PRKD1: variants seen among roughly 807,000 people sequenced by gnomAD.
PRKD1 encodes the protein protein kinase D1.
PRKD1 carries 63 observed loss-of-function variants against 95.9 expected under a neutral mutation model. The observed-to-expected ratio is 0.66, with a 90% confidence interval of 0.54 to 0.81. The LOEUF (loss-of-function observed/expected upper bound fraction) is 0.81. Ranked by LOEUF, PRKD1 falls within the 30% of genes least tolerant of loss-of-function variation. The pLI, the probability that PRKD1 is intolerant of heterozygous loss-of-function variation, is 0.00. For synonymous variants in PRKD1, 425 were observed against 423.1 expected (o/e 1.00, Z -0.05); for missense variants, 1,048 against 1,165.3 (o/e 0.90, Z 1.47).
intron 1 of PRKD1, among the ~76,000 whole-genome samples, chr14:29,788,835 T>C (rs1429979645): frequency 1.3e-5 from 2 of 152,124 alleles, no homozygotes; most frequent in Non-Finnish European, 2.9e-5. Context: ...CTCTTTGTAT[T>C]TTTATCAGTG....
At chr14:29,732,784 G>GAATT (rs1216295829) in intron 1 of PRKD1, among the ~76,000 whole-genome samples, 29 of 151,982 alleles carry the variant, frequency 1.9e-4, no homozygotes, top group Admixed American at 1.9e-3. Flanking sequence ...CTCCTGCTTT[G>GAATT]AATTATTTCT....
chr14:29,776,104 C>G (rs1273224540), intron 1 of PRKD1, among the ~76,000 whole-genome samples: 1 of 152,134 alleles, frequency 6.6e-6, no homozygotes, highest in Non-Finnish European at 1.5e-5. Context: ...AGAAGGAAAA[C>G]TAACAAACAG....
intron 2 of PRKD1, among the ~76,000 whole-genome samples, chr14:29,672,574 T>A (rs1186952554): frequency 6.6e-6 from 1 of 151,942 alleles, no homozygotes; most frequent in African/African-American, 2.4e-5. Flanking sequence ...AGGTCATAAA[T>A]CTGCAGTGAT....
intron 2 of PRKD1, among the ~76,000 whole-genome samples, chr14:29,684,171 G>A (rs1325177205): frequency 2.1e-5 from 3 of 142,058 alleles, no homozygotes; most frequent in Non-Finnish European, 4.5e-5. Flanking sequence ...TTTTTTCTGA[G>A]ATGGAGTCTC....
At chr14:29,749,820 T>C (rs1476006958) in intron 1 of PRKD1, among the ~76,000 whole-genome samples, 1 of 152,232 alleles carries the variant, frequency 6.6e-6, no homozygotes, top group African/African-American at 2.4e-5. Context: ...CAAAATCTTA[T>C]TTAATCATAA....
intron 1 of PRKD1, among the ~76,000 whole-genome samples, chr14:29,771,545 T>C (rs1397337387): frequency 5.9e-5 from 9 of 152,016 alleles, no homozygotes; most frequent in Non-Finnish European, 1.3e-4. Context: ...AGCAGGGGCA[T>C]AGCTACATCC....
At chr14:29,751,905 T>C (rs1035383356) in intron 1 of PRKD1, among the ~76,000 whole-genome samples, 7 of 152,350 alleles carry the variant, frequency 4.6e-5, no homozygotes, top group Admixed American at 3.9e-4. Flanking sequence ...CACATACACA[T>C]GTGTACACAC....
intron 1 of PRKD1, among the ~76,000 whole-genome samples, chr14:29,798,072 A>T (rs1308855567): frequency 6.6e-6 from 1 of 152,228 alleles, no homozygotes; most frequent in South Asian, 2.1e-4. Context: ...AATATAAAGG[A>T]TTGGCCTCAG....
At chr14:29,617,275 T>C (rs12433335) in intron 13 of PRKD1, among the ~76,000 whole-genome samples, 79,867 of 152,040 alleles carry the variant, frequency 0.53, 21,751 homozygotes, top group East Asian at 0.68. Flanking sequence ...TCTCTAACTT[T>C]TAGCCTCAAC....
intron 1 of PRKD1, among the ~76,000 whole-genome samples, chr14:29,820,319 C>T (rs1890862639): frequency 6.6e-6 from 1 of 152,202 alleles, no homozygotes; most frequent in Non-Finnish European, 1.5e-5. Flanking sequence ...AAGGAACTCA[C>T]AGGCTAAGCA....
chr14:29,771,666 A>T (rs1888513319), intron 1 of PRKD1, among the ~76,000 whole-genome samples: 1 of 152,118 alleles, frequency 6.6e-6, no homozygotes, highest in Non-Finnish European at 1.5e-5. Flanking sequence ...AGAACTCAGA[A>T]CTGTAGATAC....
chr14:29,862,925 TAA>T (rs1439895638), intron 1 of PRKD1, among the ~76,000 whole-genome samples: 3 of 152,182 alleles, frequency 2.0e-5, no homozygotes, highest in African/African-American at 7.2e-5. Flanking sequence ...TATTACTCAA[TAA>T]ATCTTTGCCC....
intron 1 of PRKD1, among the ~76,000 whole-genome samples, chr14:29,874,839 G>T (rs763461264): frequency 5.3e-5 from 8 of 152,184 alleles, no homozygotes; most frequent in Non-Finnish European, 1.2e-4. Flanking sequence ...ATGCTGGGAA[G>T]GGTATGAGGG....
At chr14:29,835,169 AC>A (rs746863425) in intron 1 of PRKD1, among the ~76,000 whole-genome samples, 1 of 108,090 alleles carries the variant, frequency 9.3e-6, no homozygotes, top group Non-Finnish European at 1.7e-5. Flanking sequence ...CTGAAAAAAA[AC>A]AAATTCATTT....
chr14:29,729,415 A>AG (rs1886324964), intron 1 of PRKD1, among the ~76,000 whole-genome samples: 1 of 152,082 alleles, frequency 6.6e-6, no homozygotes, highest in Non-Finnish European at 1.5e-5. Flanking sequence ...ATTTTCAGAA[A>AG]GGTATCCATT....
At chr14:29,823,492 T>C (rs1890996809) in intron 1 of PRKD1, among the ~76,000 whole-genome samples, 1 of 152,208 alleles carries the variant, frequency 6.6e-6, no homozygotes, top group South Asian at 2.1e-4. Flanking sequence ...TTTTAAAATA[T>C]CCTGGGTCCT....
chr14:29,879,451 C>T (rs1191666076), intron 1 of PRKD1, among the ~76,000 whole-genome samples: 8 of 152,174 alleles, frequency 5.3e-5, no homozygotes, highest in African/African-American at 1.4e-4. Flanking sequence ...TTTCGCCTCC[C>T]GCCATGATTC....
intron 1 of PRKD1, among the ~76,000 whole-genome samples, chr14:29,793,404 A>T (rs1334237144): frequency 3.3e-5 from 5 of 152,064 alleles, no homozygotes; most frequent in African/African-American, 1.2e-4. Flanking sequence ...TTTGAGATAC[A>T]TTCTTCTTAA....
chr14:29,669,627 G>A (rs1882725241), intron 2 of PRKD1, among the ~76,000 whole-genome samples: 1 of 152,206 alleles, frequency 6.6e-6, no homozygotes, highest in Non-Finnish European at 1.5e-5. Context: ...CAACACTTTG[G>A]GAGGCCAAGG....
Sources: gnomAD v4.1 joint callset for allele counts (sites outside exome capture counted in the v4.1 genomes callset) on GRCh38, gnomAD v4.1.1 for gene constraint, MANE v1.5 for transcripts, NCBI Gene and HGNC (gene_info 2026-07-23, HGNC 2026-07-21) for gene names.